Variants in COX5A observed in about 807,000 individuals in gnomAD.
COX5A encodes cytochrome c oxidase subunit 5A, also known as cytochrome c oxidase subunit 5A, mitochondrial.
Under a neutral mutation model 16.1 loss-of-function variants are expected in COX5A, and 6 were observed. The ratio of observed to expected loss-of-function variants is 0.37; its 90% CI spans 0.20 to 0.73. COX5A has a LOEUF of 0.73. COX5A is among the 30% of genes least tolerant of loss of function. The pLI is 0.50. For missense variants in COX5A, 159 were observed against 194.9 expected, an observed-to-expected ratio of 0.82 and a Z score of 1.10; for synonymous variants, 73 against 73.8, an observed-to-expected ratio of 0.99 and a Z score of 0.06.
chr15:74,936,446 G>A (rs990397381), intron 1 of COX5A, among the ~76,000 whole-genome samples: 18 of 151,796 alleles, frequency 1.2e-4, no homozygotes, highest in Middle Eastern at 3.4e-3. Flanking sequence ...CCCAAACTTT[G>A]GGAGGCTGAG....
intron 1 of COX5A, 174 bp downstream of exon 1, chr15:74,937,741 G>C: frequency 1.5e-5 from 6 of 399,586 alleles, no homozygotes; most frequent in Non-Finnish European, 2.2e-5. Context: ...CCGGGGGCGC[G>C]CTTTCAGGTC....
chr15:74,923,740 G>A lies in COX5A; in HGVS notation c.370C>T (p.Pro124Ser). The A allele has an allele frequency of 8.7e-6, 14 of 1,610,634 alleles. No homozygotes were observed. Among genetic ancestry groups the A allele is most frequent in the Non-Finnish European group, 1.2e-5 (14 of 1,178,494 alleles). ...DKAGPHKEIYPYVIQELRPTL... is the reference protein window; with the variant it reads ...DKAGPHKEIYSYVIQELRPTL... The stretch of plus-strand genomic sequence containing the variant: ...GGTCTAAGTTCCTGGATGACATAGG[G>A]GTAGATTTCCTTATGAGGTCCTGCT... The change falls in exon 4 of 5, where the codon CCC (proline) becomes TCC (serine). Residue 124 changes from proline to serine, a missense_variant. By Grantham distance (74) the Pro-to-Ser change is moderately conservative (BLOSUM62 -1). Coordinates refer to ENST00000322347, the MANE Select transcript of COX5A (RefSeq NM_004255.4).
At chr15:74,922,221 C>T (rs895760047) in intron 4 of COX5A, among the ~76,000 whole-genome samples, 5 of 151,826 alleles carry the variant, frequency 3.3e-5, no homozygotes, top group Non-Finnish European at 5.9e-5. Flanking sequence ...ACCGTCTCTA[C>T]TAAAAATACA....
Position 74,938,048 on chromosome 15 carries a change from GA to G in COX5A, c.-35del. The G allele has an allele frequency of 2.5e-6, 3 of 1,210,180 alleles. No homozygotes were observed. Among genetic ancestry groups the G allele is most frequent in the Non-Finnish European group, 3.1e-6 (3 of 969,394 alleles). 75.0% of individuals were successfully genotyped at this position (1,210,180 alleles called of 1,614,324 possible). ...TGGCGGCGCGCGGGCTGAGGACAGA[GA>G]GAAGCCGGTGTAAGCTCGCGGGTTG... On this transcript the variant is annotated 5_prime_UTR_variant, in exon 1 of 5. Coordinates refer to ENST00000322347, the MANE Select transcript of COX5A (RefSeq NM_004255.4).
chr15:74,927,013 T>C, intron 2 of COX5A, 126 bp from the exon 3 acceptor site: 1 of 997,492 alleles, frequency 1.0e-6, no homozygotes, highest in Non-Finnish European at 1.4e-6. Context: ...CTCTTACCTA[T>C]AAAATGAGAG....
chr15:74,931,702 C>T (rs968462058), intron 1 of COX5A, among the ~76,000 whole-genome samples: 2 of 151,904 alleles, frequency 1.3e-5, no homozygotes, highest in Non-Finnish European at 2.9e-5. Flanking sequence ...TACAGGCGAG[C>T]GCCACTAAGC....
intron 1 of COX5A, among the ~76,000 whole-genome samples, chr15:74,934,845 C>T (rs564053850): frequency 6.6e-5 from 10 of 152,032 alleles, no homozygotes; most frequent in African/African-American, 1.2e-4. Flanking sequence ...AGAGCTTTTA[C>T]GTAACCTGAA....
chr15:74,931,743 G>A (rs1484593035), intron 1 of COX5A, among the ~76,000 whole-genome samples: 2 of 151,836 alleles, frequency 1.3e-5, no homozygotes, highest in Non-Finnish European at 1.5e-5. Context: ...GAGTAGAGAC[G>A]GGATTTCACC....
At chr15:74,924,408 G>A (rs1378232598) in intron 3 of COX5A, among the ~76,000 whole-genome samples, 2 of 151,676 alleles carry the variant, frequency 1.3e-5, no homozygotes, top group Non-Finnish European at 2.9e-5. Context: ...GTGGTGGCAC[G>A]CCCCTGTAAT....
chr15:74,921,586 C>T (rs1388394733), intron 4 of COX5A, among the ~76,000 whole-genome samples: 2 of 151,724 alleles, frequency 1.3e-5, no homozygotes, highest in African/African-American at 2.4e-5. Flanking sequence ...AAAAATGAAC[C>T]GGGCATGGTG....
chr15:74,928,982 T>C, intron 2 of COX5A, 134 bp downstream of exon 2: 1 of 700,246 alleles, frequency 1.4e-6, no homozygotes, highest in South Asian at 1.7e-5. Flanking sequence ...AGCCATAAAC[T>C]TTCCTAACTG....
At chr15:74,923,791 C>A in intron 3 of COX5A, 21 bp from the exon 4 acceptor site, 2 of 1,393,634 alleles carry the variant, frequency 1.4e-6, no homozygotes, top group Non-Finnish European at 2.0e-6. Flanking sequence ...AGAGAATATT[C>A]ACATTTAACT....
intron 1 of COX5A, among the ~76,000 whole-genome samples, chr15:74,929,661 G>A (rs1051345910): frequency 1.3e-5 from 2 of 152,172 alleles, no homozygotes; most frequent in African/African-American, 2.4e-5. Flanking sequence ...GCTACTCAGA[G>A]GCTGAGGCAG....
At chr15:74,926,241 C>T (rs1055375414) in intron 3 of COX5A, among the ~76,000 whole-genome samples, 4 of 151,552 alleles carry the variant, frequency 2.6e-5, no homozygotes, top group African/African-American at 4.8e-5. Flanking sequence ...AGGGTTTCAC[C>T]GTGTTAGCCA....
intron 1 of COX5A, among the ~76,000 whole-genome samples, chr15:74,933,813 A>C (rs951574959): frequency 5.3e-5 from 8 of 152,302 alleles, no homozygotes; most frequent in African/African-American, 1.9e-4. Context: ...CTTCATGATA[A>C]GCAATTCGTT....
At chr15:74,930,186 G>A (rs2065360602) in intron 1 of COX5A, among the ~76,000 whole-genome samples, 1 of 152,126 alleles carries the variant, frequency 6.6e-6, no homozygotes, top group Non-Finnish European at 1.5e-5. Flanking sequence ...TTGGGAGGCT[G>A]AGGCGGGTGG....
chr15:74,928,984 T>C, intron 2 of COX5A, 132 bp downstream of exon 2: 1 of 702,066 alleles, frequency 1.4e-6, no homozygotes, highest in Non-Finnish European at 2.5e-6. Context: ...CCATAAACTT[T>C]CCTAACTGCA....
intron 2 of COX5A, 87 bp from the exon 3 acceptor site, chr15:74,926,974 G>A: frequency 7.0e-7 from 1 of 1,423,918 alleles, no homozygotes; most frequent in South Asian, 1.3e-5. Flanking sequence ...AATCACTGAT[G>A]TATGATCTTA....
intron 4 of COX5A, among the ~76,000 whole-genome samples, chr15:74,922,778 G>A (rs924553366): frequency 2.0e-5 from 3 of 148,612 alleles, no homozygotes; most frequent in Admixed American, 6.8e-5. Flanking sequence ...TGATTCTCCC[G>A]CCTCAGCCTC....
Sources: allele counts gnomAD v4.1 joint callset (sites outside exome capture counted in the v4.1 genomes callset), GRCh38; gene constraint gnomAD v4.1.1; transcripts MANE v1.5; gene names NCBI Gene and HGNC (gene_info 2026-07-23, HGNC 2026-07-21).